The following LRP1B variants were observed in gnomAD, a reference collection of about 807,000 sequenced individuals.
The protein encoded by LRP1B is LDL receptor related protein 1B.
Under a neutral mutation model 556.6 loss-of-function variants are expected in LRP1B, and 217 were observed. The observed-to-expected ratio is 0.39, with a 90% CI of 0.35 to 0.44. LRP1B has a LOEUF of 0.44. Among genes scored for constraint, LRP1B ranks in the 20% least tolerant of loss-of-function variants. The probability of loss-of-function intolerance (pLI) is 1.00; values close to 1 mark genes in which losing one functional copy is unlikely to be tolerated. For missense variants in LRP1B, 5,053 were observed against 5,620.8 expected (o/e 0.90, Z 3.23); for synonymous variants, 2,047 against 1,865.8 (o/e 1.10, Z -2.50).
chr2:140,877,963 T>C (rs1693360987), intron 25 of LRP1B, among the ~76,000 whole-genome samples: 2 of 152,246 alleles, frequency 1.3e-5, no homozygotes, highest in African/African-American at 4.8e-5. Flanking sequence ...GCTTTAGTTC[T>C]ATGTATATGG....
intron 7 of LRP1B, among the ~76,000 whole-genome samples, chr2:141,175,328 C>A (rs191412744): frequency 1.4e-4 from 22 of 152,102 alleles, no homozygotes; most frequent in African/African-American, 4.8e-4. Context: ...TGAAGAAAAC[C>A]CACCACAGGC....
At position 140,716,726 on chromosome 2, in the gene LRP1B, T is replaced by C; in HGVS notation, c.5849A>G (p.Asn1950Ser). The change falls in exon 36 of 91, where the codon AAT becomes AGT. Residue 1950 changes from asparagine to serine, a missense_variant. This residue lies in a region of LRP1B where 3,619 missense variants were observed against 3,931.9 expected (regional missense o/e 0.92). Coordinates refer to ENST00000389484, the MANE Select transcript of LRP1B (RefSeq NM_018557.3). ...DQTWKEDIIT[N>S]GLGRVEGIAV... The stretch of plus-strand genomic sequence containing the variant: ...TATCCCTTCCACTCTTCCCAAGCCA[T>C]TGGTAATGATATCTTCTTTCCAAGT... The C allele has an allele frequency of 6.2e-7, 1 of 1,612,398 alleles. No individual in the cohort carries two copies. Among genetic ancestry groups the C allele is most frequent in the Non-Finnish European group, 8.5e-7 (1 of 1,178,774 alleles).
In LRP1B at chr2:140,813,710, A is replaced by C. The variant is rs1312575765; in HGVS notation, c.5306T>G (p.Val1769Gly). ...TAATTCTTCTTTCATTGACTCGATT[A>C]CTTCTAAATTACCACCATCCAGGTT... ...RCNLDGGNLE[V>G]IESMKEELTK... The change falls in exon 32 of 91, where the codon GTA (valine) becomes GGA (glycine). Residue 1769 changes from valine (V) to glycine (G), a missense_variant. This residue lies in a region of LRP1B where 3,619 missense variants were observed against 3,931.9 expected (regional missense o/e 0.92). Coordinates refer to ENST00000389484, the MANE Select transcript of LRP1B (RefSeq NM_018557.3). 1.2e-6 allele frequency: 2 copies of C among 1,612,628 alleles called. No individual in the cohort carries two copies. Among genetic ancestry groups the C allele is most frequent in the African/African-American group, 1.3e-5 (1 of 74,876 alleles).
intron 7 of LRP1B, among the ~76,000 whole-genome samples, chr2:141,086,164 A>G (rs1306048544): frequency 6.6e-6 from 1 of 152,210 alleles, no homozygotes; most frequent in Non-Finnish European, 1.5e-5. Context: ...CCATCTGTGG[A>G]GTGATATTTT....
intron 18 of LRP1B, among the ~76,000 whole-genome samples, chr2:140,965,494 T>G (rs67478113): frequency 0.21 from 32,527 of 151,982 alleles, 3,611 homozygotes; most frequent in Middle Eastern, 0.28. Context: ...ATTCAGAGTA[T>G]CTATACATGT....
chr2:140,553,132 A>G (rs1680606207), intron 43 of LRP1B, among the ~76,000 whole-genome samples: 1 of 152,138 alleles, frequency 6.6e-6, no homozygotes, highest in African/African-American at 2.4e-5. Context: ...GATTATAAAC[A>G]ATCATTATGA....
intron 1 of LRP1B, among the ~76,000 whole-genome samples, chr2:141,872,231 G>A (rs1339486278): frequency 6.6e-6 from 1 of 151,912 alleles, no homozygotes; most frequent in Non-Finnish European, 1.5e-5. Flanking sequence ...ATGTGTGTAT[G>A]TGCATTTCCT....
At chr2:141,109,609 C>T (rs1223137511) in intron 7 of LRP1B, among the ~76,000 whole-genome samples, 1 of 151,154 alleles carries the variant, frequency 6.6e-6, no homozygotes, top group Non-Finnish European at 1.5e-5. Context: ...GATCCTGCAA[C>T]CCTGAGATGA....
rs547750173 is a variant in LRP1B, at chr2:140,749,158, C to G, written c.5758+20055G>C. On this transcript the variant is annotated intron_variant, in intron 35 of 90. Transcript: ENST00000389484. ...AATATAAGAGATTAAAAATGGTACA[C>G]ATATATAAAACATTTATCACAAAAG... is the stretch of plus-strand genomic sequence containing the variant. Among the ~76,000 whole-genome samples, 9 of 152,022 alleles carry G rather than the reference C, an allele frequency of 5.9e-5. No individual in the cohort carries two copies. The South Asian group carries it at 1.9e-3, about 32-fold the overall frequency.
intron 1 of LRP1B, among the ~76,000 whole-genome samples, chr2:142,076,097 T>C (rs1705489540): frequency 6.6e-6 from 1 of 152,144 alleles, no homozygotes; most frequent in Non-Finnish European, 1.5e-5. Flanking sequence ...GACAGGTTTT[T>C]GCAATAAAAT....
chr2:141,101,462 C>G lies in LRP1B; in HGVS notation c.1014-39189G>C, dbSNP rs16845418. Among the ~76,000 whole-genome samples, 2,119 of 152,102 alleles carry G rather than the reference C, an allele frequency of 0.014. 77 individuals carry two copies. The East Asian group carries it at 0.14, about 10-fold the overall frequency. ...GTTTTAGTTTAATAACATAGGGTAA[C>G]TGAGAAAAGCATAGGATCTTCCTAA... On this transcript the variant is annotated intron_variant, in intron 7 of 90. Transcript: ENST00000389484.
intron 1 of LRP1B, among the ~76,000 whole-genome samples, chr2:141,929,166 G>C (rs1298961153): frequency 6.6e-6 from 1 of 152,050 alleles, no homozygotes; most frequent in Non-Finnish European, 1.5e-5. Flanking sequence ...ATGCTCCAGA[G>C]ACACTCACAT....
At chr2:140,854,570 T>A (rs1216084384) in intron 27 of LRP1B, among the ~76,000 whole-genome samples, 1 of 152,180 alleles carries the variant, frequency 6.6e-6, no homozygotes, top group East Asian at 1.9e-4. Flanking sequence ...TTACCAAATT[T>A]AAAAATACTG....
At chr2:141,777,151 T>A (rs1157650228) in intron 2 of LRP1B, among the ~76,000 whole-genome samples, 1 of 152,236 alleles carries the variant, frequency 6.6e-6, no homozygotes, top group Admixed American at 6.5e-5. Flanking sequence ...GATTGCCATT[T>A]ATTTAATCAC....
intron 7 of LRP1B, among the ~76,000 whole-genome samples, chr2:141,116,157 TAA>T (rs980483782): frequency 6.6e-6 from 1 of 152,138 alleles, no homozygotes; most frequent in African/African-American, 2.4e-5. Context: ...ATTCCTAAAG[TAA>T]AAAAACTGTA....
At chr2:141,198,721 T>G (rs1681866716) in intron 6 of LRP1B, among the ~76,000 whole-genome samples, 1 of 152,114 alleles carries the variant, frequency 6.6e-6, no homozygotes, top group African/African-American at 2.4e-5. Context: ...TAGATGCACT[T>G]AGAAAAGACT....
intron 1 of LRP1B, among the ~76,000 whole-genome samples, chr2:141,996,633 T>A (rs1195305720): frequency 4.6e-5 from 7 of 152,138 alleles, no homozygotes; most frequent in African/African-American, 1.7e-4. Flanking sequence ...GACATAGCAG[T>A]TCTCAATTCT....
At chr2:140,621,811 G>A (rs898346847) in intron 41 of LRP1B, among the ~76,000 whole-genome samples, 33 of 152,092 alleles carry the variant, frequency 2.2e-4, no homozygotes, top group African/African-American at 7.0e-4. Context: ...TGAACTTAAC[G>A]AAGATGGATT....
chr2:141,661,662 C>A (rs1011851049), intron 2 of LRP1B, among the ~76,000 whole-genome samples: 1 of 152,120 alleles, frequency 6.6e-6, no homozygotes, highest in African/African-American at 2.4e-5. Context: ...ACAAAACCTG[C>A]AAGAACTATG....
Sources: allele counts gnomAD v4.1 joint callset (sites outside exome capture counted in the v4.1 genomes callset), GRCh38; gene constraint gnomAD v4.1.1; regional missense constraint gnomAD v4.1.1; transcripts MANE v1.5; gene names NCBI Gene and HGNC (gene_info 2026-07-23, HGNC 2026-07-21).